Variants in KCNN2 observed in about 807,000 individuals in gnomAD.
The protein encoded by KCNN2 is potassium calcium-activated channel subfamily N member 2.
A neutral mutation model predicts 55.5 loss-of-function variants in KCNN2; 24 were observed. The observed-to-expected ratio is 0.43, with a 90% CI of 0.31 to 0.61. The LOEUF (loss-of-function observed/expected upper bound fraction) is 0.61. Among genes scored for constraint, KCNN2 ranks in the 20% least tolerant of loss-of-function variants. The pLI is 0.08. For synonymous variants in KCNN2, 431 were observed against 336.1 expected (o/e 1.28, Z -3.09); for missense variants, 754 against 853.6 (o/e 0.88, Z 1.45).
chr5:114,393,902 G>T (rs974856194), intron 2 of KCNN2, among the ~76,000 whole-genome samples: 1 of 151,176 alleles, frequency 6.6e-6, no homozygotes. Flanking sequence ...CATTTAACCC[G>T]TTTCCCTACT....
chr5:114,401,259 A>T (rs1400056199), intron 2 of KCNN2, among the ~76,000 whole-genome samples: 1 of 152,242 alleles, frequency 6.6e-6, no homozygotes, highest in South Asian at 2.1e-4. Context: ...ACAACTATGT[A>T]ATAGAACATT....
chr5:114,307,131 AG>A (rs1483912891), intron 2 of KCNN2, among the ~76,000 whole-genome samples: 1 of 152,176 alleles, frequency 6.6e-6, no homozygotes, highest in African/African-American at 2.4e-5. Context: ...AAGTGGCTTT[AG>A]GTGTTTTCAA....
intron 1 of KCNN2, among the ~76,000 whole-genome samples, chr5:114,193,990 T>G (rs1347830303): frequency 6.6e-6 from 1 of 152,148 alleles, no homozygotes; most frequent in Non-Finnish European, 1.5e-5. Context: ...TTAGAGCATT[T>G]TCATCTTGAC....
At chr5:114,189,555 A>G (rs1213328547) in intron 1 of KCNN2, among the ~76,000 whole-genome samples, 1 of 152,212 alleles carries the variant, frequency 6.6e-6, no homozygotes, top group Admixed American at 6.5e-5. Context: ...CCTGTTGTCC[A>G]ATCAAATTAA....
chr5:114,402,967 AAG>A (rs1333473314), intron 2 of KCNN2, among the ~76,000 whole-genome samples: 1 of 152,212 alleles, frequency 6.6e-6, no homozygotes, highest in African/African-American at 2.4e-5. Flanking sequence ...GCCTGAAAAA[AAG>A]AGAGTAGAGT....
intron 2 of KCNN2, among the ~76,000 whole-genome samples, chr5:114,229,942 G>GT (rs1754322704): frequency 1.3e-5 from 2 of 152,088 alleles, no homozygotes; most frequent in South Asian, 4.1e-4. Context: ...TGGAACACAC[G>GT]TAACAGAAGC....
chr5:114,090,362 A>C (rs1386461), intron 1 of KCNN2, among the ~76,000 whole-genome samples: 86,473 of 151,840 alleles, frequency 0.57, 24,860 homozygotes, highest in East Asian at 0.69. Flanking sequence ...AAAGAATTAT[A>C]AGTACATTTA....
At chr5:114,422,432 G>A (rs1165140711) in intron 3 of KCNN2, among the ~76,000 whole-genome samples, 4 of 152,118 alleles carry the variant, frequency 2.6e-5, no homozygotes, top group Admixed American at 1.3e-4. Flanking sequence ...GCCCTCACCC[G>A]ACACTGAATC....
intron 2 of KCNN2, among the ~76,000 whole-genome samples, chr5:114,340,768 A>G (rs1757002534): frequency 2.0e-5 from 3 of 152,082 alleles, no homozygotes; most frequent in Admixed American, 2.0e-4. Context: ...ATCAGTAGTC[A>G]CTGTACTATA....
intron 2 of KCNN2, among the ~76,000 whole-genome samples, chr5:114,226,821 A>C (rs1234828889): frequency 6.6e-6 from 1 of 150,454 alleles, no homozygotes; most frequent in Non-Finnish European, 1.5e-5. Flanking sequence ...GAATCCCTTG[A>C]ACCCAGGAGG....
At chr5:114,137,095 T>G (rs1311025964) in intron 1 of KCNN2, among the ~76,000 whole-genome samples, 1 of 152,184 alleles carries the variant, frequency 6.6e-6, no homozygotes, top group East Asian at 1.9e-4. Flanking sequence ...TAATCAATAT[T>G]TGAATGAATA....
chr5:114,318,341 CATT>C (rs1003296473), intron 2 of KCNN2, among the ~76,000 whole-genome samples: 90 of 152,228 alleles, frequency 5.9e-4, no homozygotes, highest in South Asian at 6.2e-4. Flanking sequence ...TATTACCACT[CATT>C]GTTGTTTGTT....
intron 1 of KCNN2, among the ~76,000 whole-genome samples, chr5:114,143,281 T>C (rs1752326564): frequency 6.6e-6 from 1 of 152,164 alleles, no homozygotes; most frequent in African/African-American, 2.4e-5. Flanking sequence ...TACAATATAG[T>C]GTGTGCATCA....
chr5:114,265,021 G>A (rs562585827), intron 2 of KCNN2, among the ~76,000 whole-genome samples: 1 of 152,282 alleles, frequency 6.6e-6, no homozygotes, highest in Non-Finnish European at 1.5e-5. Flanking sequence ...AGGACAAAGT[G>A]ACTTTTAAAT....
intron 1 of KCNN2, among the ~76,000 whole-genome samples, chr5:114,143,386 T>C (rs1752328742): frequency 6.6e-6 from 1 of 152,150 alleles, no homozygotes; most frequent in African/African-American, 2.4e-5. Flanking sequence ...CAGCAAAAGC[T>C]GGTTACAAAC....
intron 3 of KCNN2, among the ~76,000 whole-genome samples, chr5:114,410,512 A>T (rs144862378): frequency 7.2e-4 from 109 of 152,314 alleles, no homozygotes; most frequent in African/African-American, 2.6e-3. Context: ...GCTTTCTGGG[A>T]AACATACTTG....
chr5:114,212,646 C>T (rs377489638), intron 1 of KCNN2, among the ~76,000 whole-genome samples: 1 of 151,934 alleles, frequency 6.6e-6, no homozygotes, highest in African/African-American at 2.4e-5. Context: ...ATAAGCTCTT[C>T]GTGCAAAATC....
intron 3 of KCNN2, among the ~76,000 whole-genome samples, chr5:114,406,326 G>T (rs1248786986): frequency 2.7e-5 from 4 of 149,692 alleles, no homozygotes; most frequent in South Asian, 2.1e-4. Flanking sequence ...TTCTTCTGTG[G>T]AAGTCAGTTT....
intron 2 of KCNN2, among the ~76,000 whole-genome samples, chr5:114,342,166 G>A (rs1239291994): frequency 6.6e-6 from 1 of 151,952 alleles, no homozygotes; most frequent in Non-Finnish European, 1.5e-5. Flanking sequence ...CTCCCAAAGT[G>A]CTGGGATTAC....
Sources: allele counts gnomAD v4.1 joint callset (sites outside exome capture counted in the v4.1 genomes callset), GRCh38; gene constraint gnomAD v4.1.1; transcripts MANE v1.5; gene names NCBI Gene and HGNC (gene_info 2026-07-23, HGNC 2026-07-21).